The following PRKCE variants were observed in gnomAD, a reference collection of about 807,000 sequenced individuals.
PRKCE encodes the protein protein kinase C epsilon type.
PRKCE carries 16 observed loss-of-function variants against 85.4 expected under a neutral mutation model. The ratio of observed to expected loss-of-function variants is 0.19; its 90% CI spans 0.13 to 0.28. The LOEUF (loss-of-function observed/expected upper bound fraction) is 0.28, where lower values mean the gene tolerates loss of function less well. PRKCE is among the 10% of genes least tolerant of loss of function. The pLI, the probability that PRKCE is intolerant of heterozygous loss-of-function variation, is 1.00. For missense variants in PRKCE, 573 were observed against 975.2 expected (o/e 0.59, Z 5.49); for synonymous variants, 388 against 371.5 (o/e 1.04, Z -0.51).
intron 1 of PRKCE, among the ~76,000 whole-genome samples, chr2:45,717,256 C>T (rs1455193959): frequency 6.6e-6 from 1 of 152,196 alleles, no homozygotes; most frequent in African/African-American, 2.4e-5. Flanking sequence ...GCTTCTGTAG[C>T]ATCCAGGTTT....
At chr2:45,960,362 T>G (rs893983408) in intron 2 of PRKCE, among the ~76,000 whole-genome samples, 1 of 152,176 alleles carries the variant, frequency 6.6e-6, no homozygotes, top group Non-Finnish European at 1.5e-5. Context: ...AAAATATGTT[T>G]TAATCACCTG....
At chr2:45,728,295 AT>A (rs2104523297) in intron 1 of PRKCE, among the ~76,000 whole-genome samples, 1 of 152,240 alleles carries the variant, frequency 6.6e-6, no homozygotes, top group South Asian at 2.1e-4. Flanking sequence ...TTTAAGTGAA[AT>A]TTTTTATTTT....
chr2:45,975,150 A>G (rs1702361701), intron 2 of PRKCE, among the ~76,000 whole-genome samples: 1 of 151,522 alleles, frequency 6.6e-6, no homozygotes, highest in Non-Finnish European at 1.5e-5. Context: ...TTCGCTTTGC[A>G]TACCTGTAAA....
intron 2 of PRKCE, among the ~76,000 whole-genome samples, chr2:45,953,736 C>G (rs1462677865): frequency 2.6e-5 from 4 of 152,332 alleles, no homozygotes; most frequent in Admixed American, 6.5e-5. Context: ...AGTGCCTGGG[C>G]TCCCCCCGAA....
intron 2 of PRKCE, among the ~76,000 whole-genome samples, chr2:45,969,184 C>T (rs560788732): frequency 2.0e-5 from 3 of 152,016 alleles, no homozygotes; most frequent in Admixed American, 6.6e-5. Flanking sequence ...GTCTCTGCTT[C>T]GCCTTATTTA....
chr2:46,057,438 CT>C (rs762865674), intron 10 of PRKCE, among the ~76,000 whole-genome samples: 2,161 of 144,682 alleles, frequency 0.015, 12 homozygotes, highest in Non-Finnish European at 0.024. Flanking sequence ...TTCTCTTCAA[CT>C]TTTTTTTTTT....
At chr2:46,057,515 A>G (rs563509003) in intron 10 of PRKCE, among the ~76,000 whole-genome samples, 1 of 151,544 alleles carries the variant, frequency 6.6e-6, no homozygotes, top group African/African-American at 2.4e-5. Context: ...GTTCACTGCA[A>G]CCTCCACCTC....
chr2:45,759,491 C>G (rs1232401010), intron 1 of PRKCE, among the ~76,000 whole-genome samples: 1 of 152,196 alleles, frequency 6.6e-6, no homozygotes, highest in Non-Finnish European at 1.5e-5. Flanking sequence ...CCTTGAGAGA[C>G]CAAGCCTCTC....
intron 11 of PRKCE, among the ~76,000 whole-genome samples, chr2:46,108,999 CAGTT>C (rs1672003351): frequency 6.6e-6 from 1 of 151,942 alleles, no homozygotes; most frequent in South Asian, 2.1e-4. Context: ...TGTCAAAACT[CAGTT>C]GGCTGTATTT....
intron 2 of PRKCE, among the ~76,000 whole-genome samples, chr2:45,844,412 T>C (rs1691612101): frequency 6.6e-6 from 1 of 152,232 alleles, no homozygotes; most frequent in South Asian, 2.1e-4. Flanking sequence ...TTGTAGAAGA[T>C]TTGAGGATTT....
upstream of PRKCE, chr2:45,651,337 C>A (rs1398128120): frequency 6.6e-6 from 1 of 150,832 alleles, no homozygotes; most frequent in Non-Finnish European, 1.5e-5. Context: ...CGCCCCCGAG[C>A]CGGATCGGCG....
At chr2:46,020,093 G>A (rs1337463284) in intron 10 of PRKCE, among the ~76,000 whole-genome samples, 4 of 151,934 alleles carry the variant, frequency 2.6e-5, no homozygotes, top group African/African-American at 7.3e-5. Context: ...CAAGTGATCC[G>A]CCTGCCTCGG....
At chr2:45,737,406 T>C (rs917548894) in intron 1 of PRKCE, among the ~76,000 whole-genome samples, 1 of 152,198 alleles carries the variant, frequency 6.6e-6, no homozygotes, top group Non-Finnish European at 1.5e-5. Context: ...TGTGCTCTTC[T>C]TCGGAGCACT....
chr2:46,077,225 A>T (rs1668639842), intron 10 of PRKCE, among the ~76,000 whole-genome samples: 1 of 151,858 alleles, frequency 6.6e-6, no homozygotes, highest in South Asian at 2.1e-4. Flanking sequence ...ATAATAATAA[A>T]AAGAATGGAC....
intron 1 of PRKCE, among the ~76,000 whole-genome samples, chr2:45,655,746 G>C (rs1209267055): frequency 2.7e-5 from 4 of 150,902 alleles, no homozygotes; most frequent in African/African-American, 9.8e-5. Flanking sequence ...CAAAGTGGGA[G>C]GATTACTTGA....
chr2:45,723,759 C>T (rs1430039239), intron 1 of PRKCE, among the ~76,000 whole-genome samples: 1 of 152,126 alleles, frequency 6.6e-6, no homozygotes, highest in African/African-American at 2.4e-5. Flanking sequence ...CGCCCACCAC[C>T]ACACCCAGCT....
intron 2 of PRKCE, among the ~76,000 whole-genome samples, chr2:45,863,071 T>C (rs1048467597): frequency 2.8e-4 from 42 of 152,250 alleles, no homozygotes; most frequent in African/African-American, 9.6e-4. Context: ...ACTGGGGGGT[T>C]GTGGGAGAGG....
intron 1 of PRKCE, among the ~76,000 whole-genome samples, chr2:45,816,556 A>G (rs1346830835): frequency 1.3e-5 from 2 of 152,156 alleles, no homozygotes; most frequent in Non-Finnish European, 2.9e-5. Flanking sequence ...CTTCTTGTGA[A>G]ACTCCTGGAT....
chr2:46,021,125 G>A (rs1255033675), intron 10 of PRKCE, among the ~76,000 whole-genome samples: 1 of 152,110 alleles, frequency 6.6e-6, no homozygotes, highest in Non-Finnish European at 1.5e-5. Flanking sequence ...TGAGTTTGGG[G>A]GCAGGAGGCA....
Sources: gnomAD v4.1 joint callset for allele counts (sites outside exome capture counted in the v4.1 genomes callset) on GRCh38, gnomAD v4.1.1 for gene constraint, MANE v1.5 for transcripts, NCBI Gene and HGNC (gene_info 2026-07-23, HGNC 2026-07-21) for gene names.